GNAO1: variants seen among roughly 807,000 people sequenced by gnomAD.
GNAO1 encodes guanine nucleotide-binding protein G(o) subunit alpha.
For synonymous variants in GNAO1, 164 were observed against 180.7 expected (o/e 0.91, Z 0.74); for missense variants, 166 against 478.7 (o/e 0.35, Z 6.10).
rs148880261 is a variant in GNAO1, at chr16:56,345,070, C to G, written c.724-6314C>G. 3.7e-4 allele frequency: 367 copies of G among 985,538 alleles called. 1 individual carries two copies. The African/African-American group carries it at 5.6e-3, about 15-fold the overall frequency. 61.0% of individuals were successfully genotyped at this position (985,538 alleles called of 1,614,324 possible). On this transcript the variant is annotated intron_variant, in intron 6 of 8. Coordinates refer to ENST00000262493, the MANE Select transcript of GNAO1 (RefSeq NM_020988.3). ...CAAACACACCCCCCTGTCCCCAACT[C>G]TAAAGGGAGAGTCCTAGGACTCCTT...
chr16:56,295,704 G>A (rs2037281421), intron 3 of GNAO1, among the ~76,000 whole-genome samples: 1 of 152,224 alleles, frequency 6.6e-6, no homozygotes, highest in African/African-American at 2.4e-5. Context: ...GCCCCAGTGA[G>A]GCAGCCTTCC....
chr16:56,228,406 A>AGT (rs1156230048), intron 2 of GNAO1, among the ~76,000 whole-genome samples: 1 of 150,910 alleles, frequency 6.6e-6, no homozygotes, highest in East Asian at 1.9e-4. Flanking sequence ...TATATATGTG[A>AGT]GTGTGTGTGT....
At chr16:56,305,468 A>G (rs1378429198) in intron 3 of GNAO1, among the ~76,000 whole-genome samples, 1 of 152,160 alleles carries the variant, frequency 6.6e-6, no homozygotes, top group Non-Finnish European at 1.5e-5. Context: ...GAAAAATAAG[A>G]AGGAGACAAT....
At chr16:56,207,889 C>G (rs1159888676) in intron 2 of GNAO1, among the ~76,000 whole-genome samples, 3 of 152,226 alleles carry the variant, frequency 2.0e-5, no homozygotes, top group Non-Finnish European at 4.4e-5. Flanking sequence ...AAAGCAAGCA[C>G]TCAGGTAACC....
chr16:56,311,848 G>A lies in GNAO1; in HGVS notation c.304-16783G>A, dbSNP rs1353816460. Reference sequence around the variant, plus strand: ...CCATGGGTGCCACTCTGCCTCACCTGTGTTTTAGTTGACAGGAGTATTTGT... The same window carrying A: ...CCATGGGTGCCACTCTGCCTCACCTATGTTTTAGTTGACAGGAGTATTTGT... On this transcript the variant is annotated intron_variant, in intron 3 of 8. Transcript: ENST00000262493. This position sits in a 1 kb window ranked among gnomAD's most constrained non-coding sequence, Gnocchi z 5.2. Among the ~76,000 whole-genome samples the A allele has an allele frequency of 1.3e-5, 2 of 152,174 alleles. No homozygotes were observed.
intron 2 of GNAO1, among the ~76,000 whole-genome samples, chr16:56,219,168 G>T (rs1289491296): frequency 3.3e-5 from 5 of 152,170 alleles, no homozygotes; most frequent in African/African-American, 1.2e-4. Context: ...GTGCACCCCG[G>T]GAGTGTACTG....
chr16:56,272,290 CA>C (rs1287603374), intron 2 of GNAO1, among the ~76,000 whole-genome samples: 1 of 151,798 alleles, frequency 6.6e-6, no homozygotes, highest in Non-Finnish European at 1.5e-5. Flanking sequence ...GCCTGGGCGA[CA>C]GACAGAGCGA....
At position 56,349,111 on chromosome 16, in the gene GNAO1, T is replaced by C. The variant is rs534743227; in HGVS notation, c.724-2273T>C. 1.2e-3 allele frequency among the ~76,000 whole-genome samples: 184 copies of C among 152,276 alleles called. 2 individuals are homozygous for C. Among genetic ancestry groups the C allele is most frequent in the African/African-American group, 4.4e-3 (182 of 41,556 alleles). On this transcript the variant is annotated intron_variant, in intron 6 of 8. Transcript: ENST00000262493. ...CTGTGGCCCTGAGATGTAGGGGCTG[T>C]GGCGGGGGCTCAGCCTTAACCAGTG... is the stretch of plus-strand genomic sequence containing the variant.
At chr16:56,256,140 G>T (rs758906721) in intron 2 of GNAO1, among the ~76,000 whole-genome samples, 11 of 152,182 alleles carry the variant, frequency 7.2e-5, no homozygotes, top group Non-Finnish European at 1.5e-4. Context: ...GCCCAGAGTG[G>T]CAGCAGTCCA....
chr16:56,212,975 C>G (rs2036404489), intron 2 of GNAO1, among the ~76,000 whole-genome samples: 1 of 152,240 alleles, frequency 6.6e-6, no homozygotes, highest in East Asian at 1.9e-4. Flanking sequence ...TGGATACACA[C>G]AGGGTCAGGC....
chr16:56,328,810 G>T lies in GNAO1; in HGVS notation c.464+19G>T. The T allele has an allele frequency of 1.2e-6, 2 of 1,612,322 alleles. No individual in the cohort carries two copies. Among genetic ancestry groups the T allele is most frequent in the East Asian group, 2.2e-5 (1 of 44,832 alleles). ...CCAAATAGTGAGTGTCCCAGCGGGC[G>T]CATGGCCTGGAGCCGGGCAGTGATG... On this transcript the variant is annotated intron_variant, in intron 4 of 8. Coordinates refer to ENST00000262493, the MANE Select transcript of GNAO1 (RefSeq NM_020988.3).
At chr16:56,294,804 C>T (rs2037267549) in intron 3 of GNAO1, among the ~76,000 whole-genome samples, 1 of 152,170 alleles carries the variant, frequency 6.6e-6, no homozygotes, top group African/African-American at 2.4e-5. Context: ...ATTAGCTGCT[C>T]AAGTTTGTGC....
chr16:56,224,874 G>A (rs1335223390), intron 2 of GNAO1, among the ~76,000 whole-genome samples: 1 of 152,204 alleles, frequency 6.6e-6, no homozygotes, highest in Non-Finnish European at 1.5e-5. Flanking sequence ...ACACTTATAA[G>A]GTCTCAAACA....
chr16:56,331,036 G>C (rs186671599), intron 4 of GNAO1, among the ~76,000 whole-genome samples: 2 of 152,222 alleles, frequency 1.3e-5, no homozygotes, highest in African/African-American at 4.8e-5. Context: ...CAAAGTCTTG[G>C]GCCCAGTATA....
intron 4 of GNAO1, among the ~76,000 whole-genome samples, chr16:56,332,987 C>T (rs747909661): frequency 6.6e-6 from 1 of 152,160 alleles, no homozygotes; most frequent in Non-Finnish European, 1.5e-5. Flanking sequence ...GCTGTGAGGC[C>T]GGGGGCGTGT....
At chr16:56,336,458 G>A (rs185075391) in intron 5 of GNAO1, 53 of 345,296 alleles carry the variant, frequency 1.5e-4, no homozygotes, top group Non-Finnish European at 1.6e-5. Context: ...CGCCCTCTTA[G>A]TAAAATGCTC....
chr16:56,308,422 A>T (rs1002006184), intron 3 of GNAO1: 3 of 152,260 alleles, frequency 2.0e-5, no homozygotes, highest in South Asian at 2.1e-4. Context: ...CTGATAGGGC[A>T]GAAAGCTGGA....
intron 6 of GNAO1, chr16:56,345,748 C>T: frequency 1.0e-6 from 1 of 985,660 alleles, no homozygotes; most frequent in Non-Finnish European, 1.2e-6. Flanking sequence ...AGCCATCCCG[C>T]CCAACACAGA....
intron 2 of GNAO1, among the ~76,000 whole-genome samples, chr16:56,210,793 A>G (rs1478370099): frequency 3.3e-5 from 5 of 152,156 alleles, no homozygotes; most frequent in African/African-American, 1.2e-4. Context: ...GAATTTTAAG[A>G]GTTCTTTCTA....
Sources: gnomAD v4.1 joint callset for allele counts (sites outside exome capture counted in the v4.1 genomes callset) on GRCh38, gnomAD v4.1.1 for gene constraint, Gnocchi (gnomAD v3.1) non-coding constraint, MANE v1.5 for transcripts, NCBI Gene and HGNC (gene_info 2026-07-23, HGNC 2026-07-21) for gene names.